Variants in LAGE3 observed in about 807,000 individuals in gnomAD.
The protein encoded by LAGE3 is L antigen family member 3, also known as EKC/KEOPS complex subunit LAGE3.
LAGE3 carries 2 observed loss-of-function variants against 4.4 expected under a neutral mutation model. The ratio of observed to expected loss-of-function variants is 0.46; its 90% CI spans 0.19 to 1.44. The LOEUF is 1.44. LAGE3 is among the 40% of genes most tolerant of loss of function. The pLI is 0.26. For missense variants in LAGE3, 152 were observed against 138.1 expected, an observed-to-expected ratio of 1.10 and a Z score of -0.51; for synonymous variants, 79 against 60.0, an observed-to-expected ratio of 1.32 and a Z score of -1.47.
At position 154,478,815 on chromosome X, in the gene LAGE3, G is replaced by A. The variant is rs782016401; in HGVS notation, c.101C>T (p.Ala34Val). ...CGCGTGCGCTGGGGGAGCTCCACCG[G>A]CCGGAGCTGCGGCTGTGTCCACGCC... ...RGGVDTAAAP[A>V]GGAPPAHAPG... Residue 34 changes from alanine to valine, a missense_variant, in exon 1 of 3, where the codon GCC (alanine) becomes GTC (valine). Coordinates refer to ENST00000357360, the MANE Select transcript of LAGE3 (RefSeq NM_006014.5). 3.6e-6 allele frequency: 4 copies of A among 1,119,197 alleles called. No individual in the cohort carries two copies. The African/African-American group carries it at 5.6e-5, about 16-fold the overall frequency. 92.2% of individuals were successfully genotyped at this position (1,119,197 alleles called of 1,213,427 possible). A position where few individuals can be genotyped will look rare whatever the true frequency, so the allele number is the denominator to read the frequency against.
intron 1 of LAGE3, 88 bp from the exon 2 acceptor site, chrX:154,478,499 ACCCTGCCTAGTG>A: frequency 9.3e-7 from 1 of 1,079,018 alleles, no homozygotes; most frequent in Non-Finnish European, 1.2e-6. Context: ...CTCTCAGGTC[ACCCTGCCTAGTG>A]TCACCCCCTT....
Position 154,478,907 on chromosome X carries a change from G to A in LAGE3, c.9C>T (p.Asp3=), listed in dbSNP as rs2069256310. The change falls in exon 1 of 3, where the codon GAC becomes GAT. Residue 3 remains aspartate (D), a synonymous_variant. Transcript: ENST00000357360. MR[D]ADADAGGGAD... ...CGCCTCCGCCTGCGTCTGCATCCGC[G>A]TCCCGCATGACCGCCGCCGCGCCGC... 4.1e-6 allele frequency: 4 copies of A among 972,786 alleles called. No individual in the cohort carries two copies. Among genetic ancestry groups the A allele is most frequent in the African/African-American group, 2.0e-5 (1 of 49,224 alleles). 80.2% of individuals were successfully genotyped at this position (972,786 alleles called of 1,213,427 possible). A position where few individuals can be genotyped will look rare whatever the true frequency, so the allele number is the denominator to read the frequency against.
At chrX:154,478,187 G>T (rs1400976400) in intron 2 of LAGE3, 96 bp downstream of exon 2, 1 of 1,139,352 alleles carries the variant, frequency 8.8e-7, no homozygotes, top group Admixed American at 2.2e-5. Flanking sequence ...GGCAGAGACC[G>T]GCCCAGCGCA....
At position 154,478,805 on chromosome X, in the gene LAGE3, A is replaced by C. The variant is rs1463508197; in HGVS notation, c.111T>G (p.Ala37=). Residue 37 remains alanine, a synonymous_variant, in exon 1 of 3, where the codon GCT becomes GCG. Transcript: ENST00000357360. ...VDTAAAPAGG[A]PPAHAPGPGR... ...CCGGACCTGGCGCGTGCGCTGGGGG[A>C]GCTCCACCGGCCGGAGCTGCGGCTG... The C allele has an allele frequency of 8.9e-7, 1 of 1,128,534 alleles. No individual in the cohort carries two copies. Among genetic ancestry groups the C allele is most frequent in the Non-Finnish European group, 1.2e-6 (1 of 862,775 alleles). 93.0% of individuals were successfully genotyped at this position (1,128,534 alleles called of 1,213,427 possible). A position where few individuals can be genotyped will look rare whatever the true frequency, so the allele number is the denominator to read the frequency against.
rs782689781 is a variant in LAGE3, at chrX:154,478,509, G to C, written c.189-98C>G. On this transcript the variant is annotated intron_variant, in intron 1 of 2. Transcript: ENST00000357360. ...GCCCCCTCTCAGGTCACCCTGCCTA[G>C]TGTCACCCCCTTCACTCCTTACCTC... 13 of 1,054,203 alleles carry C rather than the reference G, an allele frequency of 1.2e-5. No homozygotes were observed. The Admixed American group carries it at 3.5e-4, about 29-fold the overall frequency. The allele number at this position is 1,054,203 out of a possible 1,213,427, so 86.9% of individuals were successfully genotyped here.
chrX:154,477,913 T>C lies in LAGE3; in HGVS notation c.*31A>G. 8.8e-7 allele frequency: 1 copy of C among 1,140,699 alleles called. No homozygotes were observed. The highest frequency in any genetic ancestry group is 2.5e-4 in the Middle Eastern group (1 of 4,041). 94.0% of individuals were successfully genotyped at this position (1,140,699 alleles called of 1,213,427 possible). On this transcript the variant is annotated 3_prime_UTR_variant, in exon 3 of 3. Transcript: ENST00000357360. ...GCACTGCCTACAAGGAGACGCAAAG[T>C]GGGACCTCGCTCCATTTGCCCAGGC...
chrX:154,478,381 C>T lies in LAGE3; in HGVS notation c.219G>A (p.Leu73=). 8.3e-7 allele frequency: 1 copy of T among 1,199,911 alleles called. No homozygotes were observed. Among genetic ancestry groups the T allele is most frequent in the Non-Finnish European group, 1.1e-6 (1 of 889,931 alleles). The change falls in exon 2 of 3, where the codon TTG becomes TTA. Residue 73 remains leucine, a synonymous_variant. Transcript: ENST00000357360. ...FTLSVPFPTP[L]EAEIAHGSLA... Reference sequence around the variant, plus strand: ...GGGACCCATGGGCGATTTCCGCCTCCAAGGGGGTCGGGAAAGGCACGCTGA... The same window carrying T: ...GGGACCCATGGGCGATTTCCGCCTCTAAGGGGGTCGGGAAAGGCACGCTGA...
In LAGE3 at chrX:154,477,960, G is replaced by T; in HGVS notation, c.416C>A (p.Pro139His). The stretch of plus-strand genomic sequence containing the variant: ...AGGCCAGGCTTAGCGGGAAACGGGG[G>T]GCCCAAAGCGCTGCATGGTCCGCAC... ...LVVRTMQRFG[P>H]PVSR is the part of the protein sequence containing the mutation. The change falls in exon 3 of 3, where the codon CCC becomes CAC. Residue 139 changes from proline to histidine, a missense_variant. Transcript: ENST00000357360. 1 of 1,211,012 alleles carries T rather than the reference G, an allele frequency of 8.3e-7. No homozygotes were observed.
chrX:154,477,922 G>GCT lies in LAGE3; in HGVS notation c.*20_*21dup. 8.5e-7 allele frequency: 1 copy of GCT among 1,172,689 alleles called. No homozygotes were observed. Among genetic ancestry groups the GCT allele is most frequent in the Non-Finnish European group, 1.2e-6 (1 of 859,979 alleles). On this transcript the variant is annotated 3_prime_UTR_variant, in exon 3 of 3. Transcript: ENST00000357360. Reference sequence around the variant, plus strand: ...ACAAGGAGACGCAAAGTGGGACCTCGCTCCATTTGCCCAGGCCAGGCTTAG... The same window carrying GCT: ...ACAAGGAGACGCAAAGTGGGACCTCGCTCTCCATTTGCCCAGGCCAGGCTTAG...
intron 2 of LAGE3, 52 bp from the exon 3 acceptor site, chrX:154,478,110 C>T (rs2069249569): frequency 9.0e-7 from 1 of 1,116,417 alleles, no homozygotes; most frequent in African/African-American, 1.8e-5. Context: ...CTCCTGGTCC[C>T]TCGCTCTGCC....
Position 154,478,167 on chromosome X carries a change from C to T in LAGE3, c.318-109G>A, listed in dbSNP as rs1238926037. The T allele has an allele frequency of 3.6e-6, 4 of 1,115,196 alleles. No individual in the cohort carries two copies. The African/African-American group carries it at 5.4e-5, about 15-fold the overall frequency. The allele number at this position is 1,115,196 out of a possible 1,213,427, so 91.9% of individuals were successfully genotyped here. On this transcript the variant is annotated intron_variant, in intron 2 of 2. Transcript: ENST00000357360. Reference sequence around the variant, plus strand: ...AACCCTTGGGAGCCCTGCCATTACACAGCCCCTCAGGCAGAGACCGGCCCA... The same window carrying T: ...AACCCTTGGGAGCCCTGCCATTACATAGCCCCTCAGGCAGAGACCGGCCCA...
rs781904042 is a variant in LAGE3, at chrX:154,478,777, T to C, written c.139A>G (p.Arg47Gly). ...CCCCTGGCCGCAGACGCGGCGTCTCTGCCCGGACCTGGCGCGTGCGCTGGG... is the reference window on the plus strand; with the variant it reads ...CCCCTGGCCGCAGACGCGGCGTCTCCGCCCGGACCTGGCGCGTGCGCTGGG... ...APPAHAPGPG[R>G]DAASAARGSR... The change falls in exon 1 of 3, where the codon AGA (arginine) becomes GGA (glycine). Residue 47 changes from arginine to glycine, a missense_variant. Coordinates refer to ENST00000357360, the MANE Select transcript of LAGE3 (RefSeq NM_006014.5). 1.7e-5 allele frequency: 19 copies of C among 1,128,256 alleles called. No homozygotes were observed. In the East Asian group the frequency reaches 5.5e-4, roughly 33 times the overall value. 93.0% of individuals were successfully genotyped at this position (1,128,256 alleles called of 1,213,427 possible).
intron 2 of LAGE3, 28 bp from the exon 3 acceptor site, chrX:154,478,086 A>T (rs1373304874): frequency 8.6e-7 from 1 of 1,157,885 alleles, no homozygotes; most frequent in Non-Finnish European, 1.2e-6. Context: ...AGAAAATCAA[A>T]TTGGAGGTGG....
Position 154,478,926 on chromosome X carries a change from G to C in LAGE3, c.-11C>G, listed in dbSNP as rs1236498921. ...ATCCGCGTCCCGCATGACCGCCGCC[G>C]CGCCGCTCCGACTCCACCCCCGAAG... On this transcript the variant is annotated 5_prime_UTR_variant, in exon 1 of 3. Coordinates refer to ENST00000357360, the MANE Select transcript of LAGE3 (RefSeq NM_006014.5). The C allele has an allele frequency of 1.1e-6, 1 of 893,058 alleles. No individual in the cohort carries two copies. The highest frequency in any genetic ancestry group is 4.2e-5 in the East Asian group (1 of 23,727). 73.6% of individuals were successfully genotyped at this position (893,058 alleles called of 1,213,427 possible). A position where few individuals can be genotyped will look rare whatever the true frequency, so the allele number is the denominator to read the frequency against.
rs1478327801 is a variant in LAGE3 at position 154,477,810 on chromosome X, T to C, written c.*134A>G. On this transcript the variant is annotated 3_prime_UTR_variant, in exon 3 of 3. Coordinates refer to ENST00000357360, the MANE Select transcript of LAGE3 (RefSeq NM_006014.5). The stretch of plus-strand genomic sequence containing the variant: ...GTTTTATTTTCTGTAGTAACAAACA[T>C]TTAAGAACCAGATAAAACATGAGGC... 1.1e-5 allele frequency: 5 copies of C among 473,787 alleles called. No homozygotes were observed. Among genetic ancestry groups the C allele is most frequent in the Non-Finnish European group, 1.8e-5 (5 of 274,607 alleles). The allele number at this position is 473,787 out of a possible 1,213,427, so 39.0% of individuals were successfully genotyped here.
At position 154,478,751 on chromosome X, in the gene LAGE3, C is replaced by T; in HGVS notation, c.165G>A (p.Gly55=). Reference sequence around the variant, plus strand: ...ACAATATGTGCGGCCGCATTCGTGACCCCCTGGCCGCAGACGCGGCGTCTC... The same window carrying T: ...ACAATATGTGCGGCCGCATTCGTGATCCCCTGGCCGCAGACGCGGCGTCTC... ...PGRDAASAAR[G]SRMRPHIFTL... Residue 55 remains glycine, a synonymous_variant, in exon 1 of 3, where the codon GGG becomes GGA. Coordinates refer to ENST00000357360, the MANE Select transcript of LAGE3 (RefSeq NM_006014.5). 2.7e-6 allele frequency: 3 copies of T among 1,106,434 alleles called. No homozygotes were observed. 91.2% of individuals were successfully genotyped at this position (1,106,434 alleles called of 1,213,427 possible). A position where few individuals can be genotyped will look rare whatever the true frequency, so the allele number is the denominator to read the frequency against.
rs1386520242 is a variant in LAGE3 at position 154,479,097 on chromosome X, C to T, written c.-182G>A. ...CCCGCCAAGCGGCCCTGCCGGGGGC[C>T]TTCTGAGACCCGGTCAGCGGTTGAG... On this transcript the variant is annotated 5_prime_UTR_variant, in exon 1 of 3. Coordinates refer to ENST00000357360, the MANE Select transcript of LAGE3 (RefSeq NM_006014.5). 1.4e-5 allele frequency: 4 copies of T among 295,008 alleles called. No individual in the cohort carries two copies. Among genetic ancestry groups the T allele is most frequent in the Non-Finnish European group, 2.4e-5 (4 of 169,175 alleles). The allele number at this position is 295,008 out of a possible 1,213,427, so 24.3% of individuals were successfully genotyped here.
intron 1 of LAGE3, 79 bp downstream of exon 1, chrX:154,478,649 C>T (rs1284387463): frequency 5.1e-6 from 4 of 791,362 alleles, no homozygotes; most frequent in African/African-American, 2.2e-5. Flanking sequence ...TTCCGTCGGC[C>T]CCCCGCCCGC....
intron 1 of LAGE3, 84 bp from the exon 2 acceptor site, chrX:154,478,495 GGTCACCCTGCCTAGTGTCACCC>G: frequency 2.8e-6 from 3 of 1,090,824 alleles, no homozygotes. Flanking sequence ...CCCCCTCTCA[GGTCACCCTGCCTAGTGTCACCC>G]CCTTCACTCC....
Sources: gnomAD v4.1 joint callset for allele counts on GRCh38, gnomAD v4.1.1 for gene constraint, MANE v1.5 for transcripts, NCBI Gene and HGNC (gene_info 2026-07-23, HGNC 2026-07-21) for gene names.